Variants in COL1A2 observed in about 807,000 individuals in gnomAD.
COL1A2 encodes collagen type I alpha 2 chain, also known as collagen alpha-2(I) chain.
COL1A2 carries 49 observed loss-of-function variants against 174.3 expected under a neutral mutation model. The observed-to-expected ratio is 0.28, with a 90% CI of 0.22 to 0.36. The LOEUF (loss-of-function observed/expected upper bound fraction) is 0.36. Ranked by LOEUF, COL1A2 falls within the 10% of genes least tolerant of loss-of-function variation. The pLI is 1.00. For missense variants in COL1A2, 1,438 were observed against 1,822.7 expected (o/e 0.79, Z 3.84); for synonymous variants, 655 against 606.6 (o/e 1.08, Z -1.17).
At position 94,430,797 on chromosome 7, in the gene COL1A2, G is replaced by C. The variant is rs1792386294; in HGVS notation, c.*404G>C. 8.5e-6 allele frequency: 2 copies of C among 234,418 alleles called. No individual in the cohort carries two copies. The highest frequency in any genetic ancestry group is 1.2e-4 in the South Asian group (2 of 16,816). 14.5% of individuals were successfully genotyped at this position (234,418 alleles called of 1,614,324 possible). A position where few individuals can be genotyped will look rare whatever the true frequency, so the allele number is the denominator to read the frequency against. On this transcript the variant is annotated 3_prime_UTR_variant, in exon 52 of 52. Transcript: ENST00000297268. The stretch of plus-strand genomic sequence containing the variant: ...TACCTCAAAACACTTTCCCATGAGT[G>C]TGATCCACATTGTTAGGTGCTGACC...
chr7:94,427,104 G>C, intron 47 of COL1A2, 43 bp downstream of exon 47: 3 of 1,611,822 alleles, frequency 1.9e-6, no homozygotes, highest in Non-Finnish European at 1.7e-6. Flanking sequence ...TGAAATAGAG[G>C]CTAAAGCGAG....
Position 94,421,966 on chromosome 7 carries a change from T to C in COL1A2, c.2403+14T>C, listed in dbSNP as rs1455205994. On this transcript the variant is annotated intron_variant, in intron 39 of 51. Transcript: ENST00000297268. Reference sequence around the variant, plus strand: ...CCAGGACCCTCTGTAAGTAAATCACTGTAAACGTGTCTTCATTTACTCTAG... The same window carrying C: ...CCAGGACCCTCTGTAAGTAAATCACCGTAAACGTGTCTTCATTTACTCTAG... 1 of 1,612,866 alleles carries C rather than the reference T, an allele frequency of 6.2e-7. No homozygotes were observed. The highest frequency in any genetic ancestry group is 1.3e-5 in the African/African-American group (1 of 74,896).
chr7:94,424,539 C>T, intron 41 of COL1A2, 96 bp downstream of exon 41: 3 of 1,130,576 alleles, frequency 2.7e-6, no homozygotes. Flanking sequence ...AATAACTTCA[C>T]TTAAGATTTT....
chr7:94,420,792 T>A, intron 37 of COL1A2, 144 bp downstream of exon 37: 3 of 924,204 alleles, frequency 3.2e-6, no homozygotes, highest in Non-Finnish European at 5.2e-6. Context: ...ATTTGCACAC[T>A]GCTTTACAAA....
Position 94,407,839 on chromosome 7 carries a change from C to A in COL1A2, c.595-8C>A, listed in dbSNP as rs1791834242. 1 of 1,613,582 alleles carries A rather than the reference C, an allele frequency of 6.2e-7. No homozygotes were observed. Among genetic ancestry groups the A allele is most frequent in the African/African-American group, 1.3e-5 (1 of 75,026 alleles). On this transcript the variant is annotated splice_region_variant and splice_polypyrimidine_tract_variant and intron_variant, in intron 12 of 51. Transcript: ENST00000297268. ...TAATGAACAAAAACTCAATCCTTCT[C>A]CATGTAGGGTGAACCTGGTGCCCCT...
chr7:94,396,086 AC>A (rs1367387796), intron 1 of COL1A2, among the ~76,000 whole-genome samples: 1 of 152,014 alleles, frequency 6.6e-6, no homozygotes, highest in African/African-American at 2.4e-5. Context: ...GATTAAAGGG[AC>A]CCCAAGGCCA....
At chr7:94,405,565 G>T in intron 10 of COL1A2, 108 bp from the exon 11 acceptor site, 1 of 1,040,094 alleles carries the variant, frequency 9.6e-7, no homozygotes, top group South Asian at 1.3e-5. Context: ...ACTAGACTTT[G>T]GTTCAAAGCT....
At chr7:94,410,760 G>T (rs551928262) in intron 21 of COL1A2, 129 bp from the exon 22 acceptor site, 3 of 1,064,170 alleles carry the variant, frequency 2.8e-6, no homozygotes, top group South Asian at 2.7e-5. Context: ...TAGGGGTTGG[G>T]TGAAGTGTTT....
rs1047128872 is a variant in COL1A2, at chr7:94,418,267, A to G, written c.1972-232A>G. ...ATTATGCTTCAGGAGAGTGTACGGA[A>G]ATTAGAAAAGATTGTTTAACAATAA... On this transcript the variant is annotated intron_variant, in intron 32 of 51. Transcript: ENST00000297268. 2.0e-5 allele frequency among the ~76,000 whole-genome samples: 3 copies of G among 152,266 alleles called. No individual in the cohort carries two copies. In the East Asian group the frequency reaches 5.8e-4, roughly 29 times the overall value.
rs972118406 is a variant in COL1A2 at position 94,429,590 on chromosome 7, ATATT to A, written c.3954+172_3954+175del. The A allele has an allele frequency of 6.0e-6, 4 of 665,344 alleles. No individual in the cohort carries two copies. In the South Asian group the frequency reaches 6.2e-5, roughly 10 times the overall value. 41.2% of individuals were successfully genotyped at this position (665,344 alleles called of 1,614,324 possible). On this transcript the variant is annotated intron_variant, in intron 51 of 51. Coordinates refer to ENST00000297268, the MANE Select transcript of COL1A2 (RefSeq NM_000089.4). ...TAAATTCAGTTTTTGTATGTATTTTATATTTATTTATTTATACGTATTAATTTCG... is the reference window on the plus strand; with the variant it reads ...TAAATTCAGTTTTTGTATGTATTTTATATTTATTTATACGTATTAATTTCG...
At chr7:94,422,240 A>G (rs1282819123) in intron 39 of COL1A2, among the ~76,000 whole-genome samples, 1 of 151,392 alleles carries the variant, frequency 6.6e-6, no homozygotes, top group Non-Finnish European at 1.5e-5. Context: ...CACATATCAG[A>G]TATTTCTATA....
intron 10 of COL1A2, 82 bp downstream of exon 10, chr7:94,405,334 C>A: frequency 7.5e-7 from 1 of 1,330,000 alleles, no homozygotes; most frequent in Non-Finnish European, 1.1e-6. Flanking sequence ...ATCTAAATGA[C>A]AACATAGATG....
intron 38 of COL1A2, 83 bp downstream of exon 38, chr7:94,421,145 A>G: frequency 7.1e-7 from 1 of 1,404,820 alleles, no homozygotes; most frequent in Non-Finnish European, 1.0e-6. Context: ...ATTTTTGGTA[A>G]ATTTGGACTA....
rs1792298693 is a variant in COL1A2 at position 94,427,278 on chromosome 7, G to T, written c.3250G>T (p.Gly1084Cys). 6.2e-7 allele frequency: 1 copy of T among 1,612,916 alleles called. No homozygotes were observed. The highest frequency in any genetic ancestry group is 8.5e-7 in the Non-Finnish European group (1 of 1,179,484). The change falls in exon 48 of 52, where the codon GGT becomes TGT. Residue 1084 changes from glycine (G) to cysteine (C), a missense_variant. Around this residue, in one of 3 missense-constraint regions of COL1A2, gnomAD observed 867 missense variants for 1,213.7 expected, o/e 0.71. Coordinates refer to ENST00000297268, the MANE Select transcript of COL1A2 (RefSeq NM_000089.4). ...ACCTGCTGGCATTCGAGGCCCTCAG[G>T]GTCACCAAGGCCCTGCTGTAAGTAT... ...VGPAGIRGPQ[G>C]HQGPAGPPGP...
intron 1 of COL1A2, among the ~76,000 whole-genome samples, chr7:94,397,245 T>C (rs915343684): frequency 6.6e-6 from 1 of 152,286 alleles, no homozygotes; most frequent in African/African-American, 2.4e-5. Flanking sequence ...CTTCAATGTT[T>C]TATAAAAAAG....
rs202068380 is a variant in COL1A2, at chr7:94,425,130, C to A, written c.2687C>A (p.Pro896His). ...GVAGAVGEPGPLGIAGPPGAR... is the reference protein window; with the variant it reads ...GVAGAVGEPGHLGIAGPPGAR... ...CTGCCTGTTTAGGGTGAACCTGGTC[C>A]TCTTGGCATTGCCGGCCCTCCTGGG... The change falls in exon 42 of 52, where the codon CCT becomes CAT. Residue 896 changes from proline to histidine, a missense_variant. This residue lies in a region of COL1A2 where 867 missense variants were observed against 1,213.7 expected (regional missense o/e 0.71). Coordinates refer to ENST00000297268, the MANE Select transcript of COL1A2 (RefSeq NM_000089.4). 1 of 1,613,952 alleles carries A rather than the reference C, an allele frequency of 6.2e-7. No homozygotes were observed. The highest frequency in any genetic ancestry group is 1.3e-5 in the African/African-American group (1 of 74,912).
At chr7:94,396,328 G>GTGTA (rs1266858582) in intron 1 of COL1A2, among the ~76,000 whole-genome samples, 4 of 151,854 alleles carry the variant, frequency 2.6e-5, no homozygotes, top group Non-Finnish European at 5.9e-5. Flanking sequence ...GTGTGTGTGT[G>GTGTA]TGTGTGTGTG....
At chr7:94,406,872 T>G (rs546426797) in intron 12 of COL1A2, among the ~76,000 whole-genome samples, 1 of 152,310 alleles carries the variant, frequency 6.6e-6, no homozygotes, top group African/African-American at 2.4e-5. Context: ...TAATGTGATA[T>G]TAAAGTGAAT....
chr7:94,405,319 C>T, intron 10 of COL1A2, 67 bp downstream of exon 10: 1 of 1,439,480 alleles, frequency 6.9e-7, no homozygotes, highest in Non-Finnish European at 9.7e-7. Flanking sequence ...CTAAAACTAG[C>T]ATCAATCTAA....
Sources: gnomAD v4.1 joint callset for allele counts (sites outside exome capture counted in the v4.1 genomes callset) on GRCh38, gnomAD v4.1.1 for gene constraint, gnomAD v4.1.1 regional missense constraint, MANE v1.5 for transcripts, NCBI Gene and HGNC (gene_info 2026-07-23, HGNC 2026-07-21) for gene names.